The following GRIA4 variants were observed in gnomAD, a reference collection of about 807,000 sequenced individuals.
The protein encoded by GRIA4 is glutamate receptor 4.
Under a neutral mutation model 104.0 loss-of-function variants are expected in GRIA4, and 34 were observed. The observed-to-expected ratio is 0.33, with a 90% CI of 0.25 to 0.44. GRIA4 has a LOEUF of 0.44. GRIA4 is among the 20% of genes least tolerant of loss of function. GRIA4 has a pLI of 1.00. For missense variants in GRIA4, 750 were observed against 1,096.5 expected (o/e 0.68, Z 4.46); for synonymous variants, 386 against 381.9 (o/e 1.01, Z -0.13).
chr11:105,610,258 CGA>C lies in GRIA4; in HGVS notation c.-258_-257del, dbSNP rs1415416086. ...GGGCGGATTTTCTGCCTAGCGCAGCCGAGAAGCAGAGGTGCCAGGAAAACCAA... is the reference window on the plus strand; with the variant it reads ...GGGCGGATTTTCTGCCTAGCGCAGCCGAAGCAGAGGTGCCAGGAAAACCAA... On this transcript the variant is annotated 5_prime_UTR_variant, in exon 1 of 17. Transcript: ENST00000282499. 4 of 152,656 alleles carry C rather than the reference CGA, an allele frequency of 2.6e-5. No homozygotes were observed. Among genetic ancestry groups the C allele is most frequent in the African/African-American group, 9.6e-5 (4 of 41,580 alleles). 9.5% of individuals were successfully genotyped at this position (152,656 alleles called of 1,614,324 possible).
intron 13 of GRIA4, among the ~76,000 whole-genome samples, chr11:105,931,132 C>A (rs1166669330): frequency 6.6e-6 from 1 of 152,066 alleles, no homozygotes; most frequent in Non-Finnish European, 1.5e-5. Context: ...AGCATGGCAA[C>A]ATGGCATTCC....
intron 4 of GRIA4, among the ~76,000 whole-genome samples, chr11:105,793,813 T>C (rs979638140): frequency 1.3e-5 from 2 of 152,156 alleles, no homozygotes; most frequent in African/African-American, 2.4e-5. Context: ...CAACATGCTA[T>C]ACACAGGCAG....
intron 3 of GRIA4, among the ~76,000 whole-genome samples, chr11:105,640,241 T>C (rs1343744966): frequency 6.6e-6 from 1 of 151,892 alleles, no homozygotes; most frequent in African/African-American, 2.4e-5. Context: ...AGCCCAAAAA[T>C]GCAAAACAAG....
At chr11:105,711,518 GA>G (rs1410787265) in intron 3 of GRIA4, among the ~76,000 whole-genome samples, 2 of 152,162 alleles carry the variant, frequency 1.3e-5, no homozygotes, top group Admixed American at 1.3e-4. Flanking sequence ...TCTGATTATA[GA>G]ACTTGATTTA....
intron 4 of GRIA4, among the ~76,000 whole-genome samples, chr11:105,857,045 T>C (rs1254147354): frequency 1.3e-5 from 2 of 152,116 alleles, no homozygotes; most frequent in East Asian, 3.9e-4. Context: ...AATACTATAG[T>C]TACAGCTGCA....
chr11:105,909,537 T>G (rs1947159179), intron 9 of GRIA4, among the ~76,000 whole-genome samples: 1 of 152,198 alleles, frequency 6.6e-6, no homozygotes, highest in Admixed American at 6.5e-5. Context: ...CCTTCTAAAA[T>G]GAATCCTCAT....
intron 3 of GRIA4, among the ~76,000 whole-genome samples, chr11:105,640,016 A>G (rs967917271): frequency 6.6e-6 from 1 of 151,960 alleles, no homozygotes; most frequent in South Asian, 2.1e-4. Flanking sequence ...TAAATCAGTA[A>G]TAAATGATTA....
rs948635851 is a variant in GRIA4 at position 105,973,428 on chromosome 11, G to A, written c.2410-882G>A. Among the ~76,000 whole-genome samples, 7 of 151,970 alleles carry A rather than the reference G, an allele frequency of 4.6e-5. No individual in the cohort carries two copies. The South Asian group carries it at 1.2e-3, about 27-fold the overall frequency. ...CTTCCAATCATAAGAGTAGGACTTA[G>A]GGATTATTCTGGATTTATTACGAGA... On this transcript the variant is annotated intron_variant, in intron 15 of 16. Transcript: ENST00000282499.
intron 5 of GRIA4, among the ~76,000 whole-genome samples, chr11:105,866,443 TTGTGTG>T (rs149278651): frequency 4.8e-5 from 7 of 146,800 alleles, no homozygotes; most frequent in Non-Finnish European, 9.1e-5. Flanking sequence ...GTGTGTGTGT[TTGTGTG>T]TGTGTGTGTG....
chr11:105,727,288 G>A (rs1938275262), intron 3 of GRIA4, among the ~76,000 whole-genome samples: 1 of 151,952 alleles, frequency 6.6e-6, no homozygotes, highest in African/African-American at 2.4e-5. Context: ...GGATATCAGA[G>A]ATTGAAGATA....
chr11:105,760,938 G>T (rs548399809), intron 4 of GRIA4, among the ~76,000 whole-genome samples: 7 of 152,010 alleles, frequency 4.6e-5, no homozygotes, highest in South Asian at 2.1e-4. Context: ...TAGCTGCAAG[G>T]TTCTATATAA....
chr11:105,799,091 A>G (rs1942609936), intron 4 of GRIA4, among the ~76,000 whole-genome samples: 1 of 152,158 alleles, frequency 6.6e-6, no homozygotes, highest in South Asian at 2.1e-4. Context: ...TGAGATGAAA[A>G]GGAACCAACA....
intron 3 of GRIA4, among the ~76,000 whole-genome samples, chr11:105,646,390 C>T (rs991858466): frequency 2.6e-5 from 4 of 152,008 alleles, no homozygotes. Flanking sequence ...CCCAGGAGTT[C>T]GATACCAGCC....
At position 105,611,062 on chromosome 11, in the gene GRIA4, C is replaced by T. The variant is rs1234759665; in HGVS notation, c.65C>T (p.Ala22Val). The T allele has an allele frequency of 2.5e-6, 4 of 1,613,116 alleles. No individual in the cohort carries two copies. Among genetic ancestry groups the T allele is most frequent in the Admixed American group, 3.3e-5 (2 of 59,990 alleles). Residue 22 changes from alanine to valine, a missense_variant, in exon 2 of 17, where the codon GCC becomes GTC. Ala to Val is a moderately conservative substitution (Grantham distance 64). This residue lies in a region of GRIA4 where 410 missense variants were observed against 502.7 expected (regional missense o/e 0.82). Coordinates refer to ENST00000282499, the MANE Select transcript of GRIA4 (RefSeq NM_000829.4). The part of the protein sequence containing the change: ...FSGFWGLAMG[A>V]FPSSVQIGGL... ...GGATTTTGGGGACTCGCCATGGGAG[C>T]CTTTCCGAGCAGCGTGCAAATAGGT...
intron 4 of GRIA4, among the ~76,000 whole-genome samples, chr11:105,860,164 T>A (rs111622526): frequency 6.6e-6 from 1 of 152,148 alleles, no homozygotes; most frequent in Admixed American, 6.5e-5. Flanking sequence ...TTCATTTAGA[T>A]AAAAATGAAT....
At chr11:105,834,256 T>G (rs1339793628) in intron 4 of GRIA4, among the ~76,000 whole-genome samples, 1 of 152,084 alleles carries the variant, frequency 6.6e-6, no homozygotes, top group Non-Finnish European at 1.5e-5. Flanking sequence ...TTTCATCTCT[T>G]TTTAATGTCA....
intron 3 of GRIA4, among the ~76,000 whole-genome samples, chr11:105,628,984 A>T (rs980809126): frequency 6.6e-6 from 1 of 151,860 alleles, no homozygotes; most frequent in Non-Finnish European, 1.5e-5. Flanking sequence ...AACTTCAGCA[A>T]AGTCTCAGGA....
At chr11:105,775,763 C>T (rs1444165086) in intron 4 of GRIA4, among the ~76,000 whole-genome samples, 1 of 151,518 alleles carries the variant, frequency 6.6e-6, no homozygotes, top group Admixed American at 6.6e-5. Context: ...AATATTGTAC[C>T]CTTGTCAGAA....
chr11:105,816,041 CGTAACAAGA>C (rs958969634), intron 4 of GRIA4, among the ~76,000 whole-genome samples: 13 of 152,124 alleles, frequency 8.5e-5, no homozygotes, highest in Non-Finnish European at 1.8e-4. Context: ...GATAGCATGA[CGTAACAAGA>C]GGCAGCACAG....
Sources: gnomAD v4.1 joint callset for allele counts (sites outside exome capture counted in the v4.1 genomes callset) on GRCh38, gnomAD v4.1.1 for gene constraint, gnomAD v4.1.1 regional missense constraint, MANE v1.5 for transcripts, NCBI Gene and HGNC (gene_info 2026-07-23, HGNC 2026-07-21) for gene names.